STYXL1: variants seen among roughly 807,000 people sequenced by gnomAD.
STYXL1 encodes the protein serine/threonine/tyrosine-interacting-like protein 1.
A neutral mutation model predicts 36.4 loss-of-function variants in STYXL1; 32 were observed. The ratio of observed to expected loss-of-function variants is 0.88; its 90% confidence interval spans 0.66 to 1.18. The LOEUF (loss-of-function observed/expected upper bound fraction) is 1.18, where lower values mean the gene tolerates loss of function less well. Ranked by LOEUF, STYXL1 falls within the 50% of genes most tolerant of loss-of-function variation. The pLI is 0.00. For missense variants in STYXL1, 354 were observed against 394.1 expected (o/e 0.90, Z 0.86); for synonymous variants, 133 against 144.1 (o/e 0.92, Z 0.55).
At chr7:76,041,342 A>G (rs1554582113) in intron 1 of STYXL1, among the ~76,000 whole-genome samples, 1 of 152,206 alleles carries the variant, frequency 6.6e-6, no homozygotes, top group East Asian at 1.9e-4. Flanking sequence ...AATGATCAGT[A>G]CATGTGGGTG....
At chr7:76,028,136 G>A (rs1794927991) in intron 3 of STYXL1, among the ~76,000 whole-genome samples, 1 of 152,142 alleles carries the variant, frequency 6.6e-6, no homozygotes, top group Admixed American at 6.6e-5. Context: ...CCAGGTCCAA[G>A]CGATTCTCAT....
At chr7:76,003,609 C>T in intron 7 of STYXL1, 149 bp downstream of exon 7, 1 of 683,044 alleles carries the variant, frequency 1.5e-6, no homozygotes, top group South Asian at 1.9e-5. Flanking sequence ...GAGCTTGTCC[C>T]ACCCAGATGG....
intron 5 of STYXL1, among the ~76,000 whole-genome samples, chr7:76,008,425 G>A (rs572579619): frequency 1.1e-4 from 16 of 152,170 alleles, no homozygotes; most frequent in Admixed American, 8.5e-4. Flanking sequence ...GACCTCAGGC[G>A]TGTGGGTCCT....
At chr7:76,026,129 G>A (rs996147718) in intron 3 of STYXL1, among the ~76,000 whole-genome samples, 2 of 134,724 alleles carry the variant, frequency 1.5e-5, no homozygotes, top group Non-Finnish European at 1.6e-5. Context: ...GAGGTGGAGC[G>A]TGCAGCGAGC....
intron 1 of STYXL1, among the ~76,000 whole-genome samples, chr7:76,038,678 G>A (rs1202286433): frequency 2.0e-5 from 3 of 151,486 alleles, no homozygotes; most frequent in African/African-American, 4.9e-5. Flanking sequence ...CACCTGCCTC[G>A]GCCTCCCAAA....
At chr7:76,025,119 A>T (rs1473007937) in intron 3 of STYXL1, among the ~76,000 whole-genome samples, 2 of 130,596 alleles carry the variant, frequency 1.5e-5, no homozygotes, top group Non-Finnish European at 3.2e-5. Context: ...AGAGGTGGTC[A>T]GATCTAAGAA....
Position 76,032,991 on chromosome 7 carries a change from A to G in STYXL1, c.-4-2464T>C, listed in dbSNP as rs558785923. The stretch of plus-strand genomic sequence containing the variant: ...GCCAACACAGATGGCCTCTACGTTA[A>G]GGATCCCGACAGTCATTGTTGGGTG... On this transcript the variant is annotated intron_variant, in intron 1 of 8. Coordinates refer to ENST00000359697, the MANE Select transcript of STYXL1 (RefSeq NM_001317785.2). Among the ~76,000 whole-genome samples the G allele has an allele frequency of 3.9e-5, 6 of 152,256 alleles. No individual in the cohort carries two copies. In the East Asian group the frequency reaches 1.2e-3, roughly 29 times the overall value.
chr7:76,022,142 G>A, intron 3 of STYXL1, 150 bp from the exon 4 acceptor site: 12 of 1,432,330 alleles, frequency 8.4e-6, no homozygotes, highest in Non-Finnish European at 1.1e-5. Context: ...CTGAGACAGT[G>A]GATGGAGAGT....
At position 76,047,925 on chromosome 7, in the gene STYXL1, C is replaced by G. The variant is rs1797350323; in HGVS notation, c.-268G>C. ...GCAGGTCCCCCACCGGCCACACAGA[C>G]GGCTACGCTAGAACCCAGCCAAACA... On this transcript the variant is annotated 5_prime_UTR_variant, in exon 1 of 9. Transcript: ENST00000359697. The G allele has an allele frequency of 7.0e-7, 1 of 1,430,454 alleles. No homozygotes were observed. Among genetic ancestry groups the G allele is most frequent in the Non-Finnish European group, 9.1e-7 (1 of 1,093,780 alleles). The allele number at this position is 1,430,454 out of a possible 1,614,324, so 88.6% of individuals were successfully genotyped here. A position where few individuals can be genotyped will look rare whatever the true frequency, so the allele number is the denominator to read the frequency against.
rs537804266 is a variant in STYXL1 at position 76,031,011 on chromosome 7, A to C, written c.-4-484T>G. Among the ~76,000 whole-genome samples, 3 of 151,904 alleles carry C rather than the reference A, an allele frequency of 2.0e-5. No homozygotes were observed. The South Asian group carries it at 6.2e-4, about 32-fold the overall frequency. On this transcript the variant is annotated intron_variant, in intron 1 of 8. Transcript: ENST00000359697. ...CCCTGTTTCTGCTAAAAATACAAAA[A>C]TTAGTCAGGCATGGTGGTGCACATC...
intron 1 of STYXL1, among the ~76,000 whole-genome samples, chr7:76,042,200 T>A (rs541850732): frequency 1.3e-5 from 2 of 152,154 alleles, no homozygotes; most frequent in South Asian, 4.1e-4. Flanking sequence ...TTGGCCCTCA[T>A]AGCCACTAGC....
chr7:76,046,284 G>C (rs1451612688), intron 1 of STYXL1, among the ~76,000 whole-genome samples: 39 of 12,738 alleles, frequency 3.1e-3, no homozygotes, highest in African/African-American at 8.9e-3. Context: ...CTGTGTGTGT[G>C]TGTGTGTGTG....
chr7:75,998,440 GGC>G (rs1187272146), intron 8 of STYXL1: 5 of 152,228 alleles, frequency 3.3e-5, no homozygotes, highest in Admixed American at 3.3e-4. Flanking sequence ...TGGGATTACA[GGC>G]ATGTGCCACC....
intron 3 of STYXL1, among the ~76,000 whole-genome samples, chr7:76,024,491 C>T (rs1454472239): frequency 1.3e-5 from 2 of 152,032 alleles, no homozygotes; most frequent in Non-Finnish European, 2.9e-5. Context: ...GTGGTGCACA[C>T]CTATGGTCCC....
chr7:76,022,911 A>C (rs1794250851), intron 3 of STYXL1, among the ~76,000 whole-genome samples: 1 of 152,160 alleles, frequency 6.6e-6, no homozygotes, highest in South Asian at 2.1e-4. Context: ...TGGGTAACAG[A>C]GTGAGACTAT....
intron 4 of STYXL1, among the ~76,000 whole-genome samples, chr7:76,015,586 C>A (rs1454037724): frequency 6.6e-6 from 1 of 152,156 alleles, no homozygotes; most frequent in Non-Finnish European, 1.5e-5. Context: ...AAACAGCCTG[C>A]AGAATGGGAG....
At chr7:76,005,891 G>GA (rs1267446601) in intron 5 of STYXL1, among the ~76,000 whole-genome samples, 11 of 126,046 alleles carry the variant, frequency 8.7e-5, no homozygotes, top group Non-Finnish European at 1.6e-4. Flanking sequence ...GAGAGGAGGA[G>GA]GAGGAGGAGA....
chr7:76,019,580 G>A (rs1472069835), intron 4 of STYXL1, among the ~76,000 whole-genome samples: 1 of 151,862 alleles, frequency 6.6e-6, no homozygotes, highest in Non-Finnish European at 1.5e-5. Flanking sequence ...CTGGGATTAC[G>A]AGTGTGAGGC....
At position 76,047,803 on chromosome 7, in the gene STYXL1, G is replaced by A. The variant is rs1797339488; in HGVS notation, c.-146C>T. On this transcript the variant is annotated 5_prime_UTR_variant, in exon 1 of 9. Transcript: ENST00000359697. ...GGCTCCCTGTCGGAGCCTCTGCCTG[G>A]GGCCCCACCTGGAAAAATGGCTCCT... The A allele has an allele frequency of 1.3e-6, 1 of 795,374 alleles. No homozygotes were observed. Among genetic ancestry groups the A allele is most frequent in the South Asian group, 2.1e-5 (1 of 46,596 alleles). 49.3% of individuals were successfully genotyped at this position (795,374 alleles called of 1,614,324 possible).
Sources: gnomAD v4.1 joint callset for allele counts (sites outside exome capture counted in the v4.1 genomes callset) on GRCh38, gnomAD v4.1.1 for gene constraint, MANE v1.5 for transcripts, NCBI Gene and HGNC (gene_info 2026-07-23, HGNC 2026-07-21) for gene names.